CSMD1: variants seen among roughly 807,000 people sequenced by gnomAD.
The protein encoded by CSMD1 is CUB and sushi domain-containing protein 1.
CSMD1 carries 213 observed loss-of-function variants against 417.5 expected under a neutral mutation model. The observed-to-expected ratio is 0.51, with a 90% CI of 0.46 to 0.57. CSMD1 has a LOEUF of 0.57. Among genes scored for constraint, CSMD1 ranks in the 20% least tolerant of loss-of-function variants. CSMD1 has a pLI of 0.00. For missense variants in CSMD1, 6,923 were observed against 4,529.7 expected (o/e 1.53, Z -15.17); for synonymous variants, 2,862 against 1,736.8 (o/e 1.65, Z -16.11).
chr8:4,206,541 T>A (rs923009253), intron 3 of CSMD1, among the ~76,000 whole-genome samples: 1 of 152,186 alleles, frequency 6.6e-6, no homozygotes, highest in Non-Finnish European at 1.5e-5. Flanking sequence ...CTGCCTAGTA[T>A]TCCATGGTGT....
At chr8:3,809,749 G>C (rs747560047) in intron 5 of CSMD1, among the ~76,000 whole-genome samples, 2 of 152,108 alleles carry the variant, frequency 1.3e-5, no homozygotes, top group Admixed American at 6.5e-5. Flanking sequence ...CCTAAGAGGG[G>C]AGTTGAGACA....
intron 2 of CSMD1, among the ~76,000 whole-genome samples, chr8:4,536,162 G>C (rs181049065): frequency 1.3e-5 from 2 of 152,112 alleles, no homozygotes; most frequent in Non-Finnish European, 2.9e-5. Context: ...AACTCAGTAA[G>C]TAAGGAGATT....
intron 1 of CSMD1, among the ~76,000 whole-genome samples, chr8:4,706,290 C>T (rs1183790323): frequency 6.6e-6 from 1 of 151,968 alleles, no homozygotes; most frequent in Non-Finnish European, 1.5e-5. Flanking sequence ...TGTCCATTAC[C>T]TTACATGTAC....
At chr8:3,962,860 T>G (rs2129996565) in intron 5 of CSMD1, among the ~76,000 whole-genome samples, 1 of 152,342 alleles carries the variant, frequency 6.6e-6, no homozygotes, top group African/African-American at 2.4e-5. Flanking sequence ...ATGATTTCTA[T>G]TATTCAAGCT....
chr8:3,143,102 A>AAAC (rs201574921), intron 40 of CSMD1, among the ~76,000 whole-genome samples: 8 of 152,174 alleles, frequency 5.3e-5, no homozygotes, highest in East Asian at 1.9e-4. Flanking sequence ...TATCAAGGAA[A>AAAC]AACAACAACA....
chr8:4,843,645 A>C (rs1800964873), intron 1 of CSMD1, among the ~76,000 whole-genome samples: 2 of 152,180 alleles, frequency 1.3e-5, no homozygotes, highest in African/African-American at 4.8e-5. Flanking sequence ...ACTCTGCCTG[A>C]ATCTTATTAA....
chr8:3,521,142 A>G lies in CSMD1; in HGVS notation c.1345-27416T>C, dbSNP rs192251504. 4.5e-3 allele frequency among the ~76,000 whole-genome samples: 665 copies of G among 149,062 alleles called. 4 individuals are homozygous for G. The highest frequency in any genetic ancestry group is 0.026 in the South Asian group (122 of 4,662). On this transcript the variant is annotated intron_variant, in intron 10 of 69. Transcript: ENST00000635120. ...CAGTCACCATTCCAGTCCATCCTAC[A>G]CACTGAAAATGAATGTATTTATTAA...
intron 3 of CSMD1, among the ~76,000 whole-genome samples, chr8:4,164,613 T>C (rs192292689): frequency 6.6e-6 from 1 of 152,316 alleles, no homozygotes; most frequent in East Asian, 1.9e-4. Context: ...TTAGGTACCT[T>C]ATTGGTTTAC....
chr8:4,820,238 G>A (rs948129167), intron 1 of CSMD1, among the ~76,000 whole-genome samples: 1 of 152,174 alleles, frequency 6.6e-6, no homozygotes, highest in Admixed American at 6.5e-5. Context: ...AATTGTAGCG[G>A]TGACCCGACT....
At chr8:4,810,527 G>T (rs951467024) in intron 1 of CSMD1, among the ~76,000 whole-genome samples, 6 of 132,906 alleles carry the variant, frequency 4.5e-5, no homozygotes, top group South Asian at 2.5e-4. Flanking sequence ...TAAAATACAC[G>T]TGTGTGTGTG....
intron 5 of CSMD1, among the ~76,000 whole-genome samples, chr8:3,899,712 G>A (rs762389532): frequency 1.3e-5 from 2 of 152,170 alleles, no homozygotes; most frequent in Non-Finnish European, 2.9e-5. Context: ...CTGAGCAACT[G>A]TCCTGGTAGG....
intron 3 of CSMD1, among the ~76,000 whole-genome samples, chr8:4,365,767 T>C (rs1295466463): frequency 1.3e-5 from 2 of 152,120 alleles, no homozygotes; most frequent in Non-Finnish European, 2.9e-5. Flanking sequence ...GTGACCGAAT[T>C]TATAGTCAAG....
intron 1 of CSMD1, among the ~76,000 whole-genome samples, chr8:4,815,087 C>G (rs995506197): frequency 5.3e-5 from 8 of 152,012 alleles, no homozygotes; most frequent in African/African-American, 1.9e-4. Flanking sequence ...CGCTGGGTGA[C>G]CTAAATTTGA....
chr8:3,636,728 G>C (rs1563220506), intron 7 of CSMD1, among the ~76,000 whole-genome samples: 1 of 152,234 alleles, frequency 6.6e-6, no homozygotes, highest in Non-Finnish European at 1.5e-5. Flanking sequence ...CTTGGGAGCA[G>C]CTGGCTCAGC....
chr8:3,652,887 A>C (rs1282682763), intron 7 of CSMD1, among the ~76,000 whole-genome samples: 1 of 152,240 alleles, frequency 6.6e-6, no homozygotes, highest in East Asian at 1.9e-4. Context: ...AGCACTCAAT[A>C]CATATTTAAT....
At chr8:3,854,342 G>C (rs1460072077) in intron 5 of CSMD1, among the ~76,000 whole-genome samples, 1 of 151,502 alleles carries the variant, frequency 6.6e-6, no homozygotes, top group South Asian at 2.1e-4. Flanking sequence ...TCTTTTTTCA[G>C]ATAAATTCTT....
At chr8:4,654,433 T>C (rs1279035983) in intron 1 of CSMD1, among the ~76,000 whole-genome samples, 1 of 151,946 alleles carries the variant, frequency 6.6e-6, no homozygotes, top group Non-Finnish European at 1.5e-5. Context: ...GCTTGGTGAG[T>C]TTGGAAAAGG....
intron 10 of CSMD1, among the ~76,000 whole-genome samples, chr8:3,527,377 G>C (rs897820205): frequency 6.6e-6 from 1 of 152,062 alleles, no homozygotes; most frequent in Admixed American, 6.6e-5. Flanking sequence ...GTATGATTTC[G>C]TTTGTATAAC....
chr8:3,995,670 TAATA>T (rs1815156974), intron 5 of CSMD1, among the ~76,000 whole-genome samples: 1 of 152,186 alleles, frequency 6.6e-6, no homozygotes, highest in Non-Finnish European at 1.5e-5. Flanking sequence ...AAATCTACAA[TAATA>T]AAGAGACAAT....
Sources: gnomAD v4.1 joint callset for allele counts (sites outside exome capture counted in the v4.1 genomes callset) on GRCh38, gnomAD v4.1.1 for gene constraint, MANE v1.5 for transcripts, NCBI Gene and HGNC (gene_info 2026-07-23, HGNC 2026-07-21) for gene names.